Variants in ADCY5 observed in about 807,000 individuals in gnomAD.
ADCY5 encodes adenylate cyclase type 5.
Under a neutral mutation model 119.7 loss-of-function variants are expected in ADCY5, and 30 were observed. The observed-to-expected ratio is 0.25, with a 90% CI of 0.19 to 0.34. The LOEUF (loss-of-function observed/expected upper bound fraction) is 0.34, where lower values mean the gene tolerates loss of function less well. ADCY5 is among the 10% of genes least tolerant of loss of function. The probability of loss-of-function intolerance (pLI) is 1.00; values close to 1 mark genes in which losing one functional copy is unlikely to be tolerated. For missense variants in ADCY5, 1,324 were observed against 1,775.2 expected (o/e 0.75, Z 4.57); for synonymous variants, 753 against 762.2 (o/e 0.99, Z 0.20).
chr3:123,397,930 G>C (rs777202506), intron 1 of ADCY5, among the ~76,000 whole-genome samples: 1 of 152,184 alleles, frequency 6.6e-6, no homozygotes, highest in Non-Finnish European at 1.5e-5. Flanking sequence ...AGGCTGCTGG[G>C]AGAGTAAAGA....
chr3:123,422,545 C>T (rs1057302950), intron 1 of ADCY5, among the ~76,000 whole-genome samples: 5 of 152,160 alleles, frequency 3.3e-5, no homozygotes, highest in Non-Finnish European at 5.9e-5. Context: ...AATGCAGAGC[C>T]GCCTGACTGG....
In ADCY5 at chr3:123,448,249, G is replaced by C. The variant is rs1945865486; in HGVS notation, c.297C>G (p.Ser99=). 1.3e-6 allele frequency: 2 copies of C among 1,489,376 alleles called. No homozygotes were observed. Among genetic ancestry groups the C allele is most frequent in the South Asian group, 1.3e-5 (1 of 78,280 alleles). The allele number at this position is 1,489,376 out of a possible 1,614,324, so 92.3% of individuals were successfully genotyped here. A position where few individuals can be genotyped will look rare whatever the true frequency, so the allele number is the denominator to read the frequency against. Residue 99 remains serine (S), a synonymous_variant, in exon 1 of 21, where the codon TCC becomes TCG. Transcript: ENST00000462833. The stretch of plus-strand genomic sequence containing the variant: ...CGCCGCGCTCCTGCCAGGCGGACTT[G>C]GAGCGGAAGCTGAAGCCGAAGCCCC... ...LAGGFGFSFR[S]KSAWQERGGD...
chr3:123,381,548 A>G (rs867994337), intron 1 of ADCY5, among the ~76,000 whole-genome samples: 10 of 152,246 alleles, frequency 6.6e-5, no homozygotes, highest in African/African-American at 2.2e-4. Flanking sequence ...GGCCAGCTTC[A>G]TGCATGTGTG....
chr3:123,414,021 T>C (rs1232194172), intron 1 of ADCY5, among the ~76,000 whole-genome samples: 2 of 151,984 alleles, frequency 1.3e-5, no homozygotes, highest in African/African-American at 2.4e-5. Flanking sequence ...CTGATTCAGA[T>C]AAAACGCAGA....
intron 1 of ADCY5, among the ~76,000 whole-genome samples, chr3:123,439,192 C>T (rs1049866363): frequency 3.3e-5 from 5 of 149,522 alleles, no homozygotes; most frequent in Middle Eastern, 3.4e-3. Flanking sequence ...CTCAGCCTCC[C>T]GAGTAGCTGG....
intron 1 of ADCY5, among the ~76,000 whole-genome samples, chr3:123,409,728 C>A (rs961038378): frequency 6.6e-6 from 1 of 152,176 alleles, no homozygotes; most frequent in Non-Finnish European, 1.5e-5. Flanking sequence ...GATGCCCACT[C>A]ATGTTGAGAT....
chr3:123,442,882 G>T (rs1206052519), intron 1 of ADCY5, among the ~76,000 whole-genome samples: 1 of 152,194 alleles, frequency 6.6e-6, no homozygotes, highest in Non-Finnish European at 1.5e-5. Flanking sequence ...CAGCCTTGAG[G>T]CAAGAGAAGC....
intron 4 of ADCY5, 124 bp from the exon 5 acceptor site, chr3:123,331,140 A>G (rs1576584253): frequency 9.4e-7 from 1 of 1,061,726 alleles, no homozygotes; most frequent in East Asian, 2.6e-5. Context: ...CAGTGAGCGC[A>G]GGCCCACGCC....
At chr3:123,285,473 T>C (rs1389499341) in intron 20 of ADCY5, among the ~76,000 whole-genome samples, 2 of 152,184 alleles carry the variant, frequency 1.3e-5, no homozygotes, top group African/African-American at 4.8e-5. Flanking sequence ...GCATAGCCAG[T>C]GGCTCCTGGG....
At chr3:123,367,948 G>C (rs1943505469) in intron 1 of ADCY5, 2 of 1,535,756 alleles carry the variant, frequency 1.3e-6, no homozygotes, top group Non-Finnish European at 1.7e-6. Flanking sequence ...GTCTTCCGTG[G>C]GACAGGCCTG....
At chr3:123,387,805 T>C (rs10451896) in intron 1 of ADCY5, among the ~76,000 whole-genome samples, 72,767 of 152,084 alleles carry the variant, frequency 0.48, 18,237 homozygotes, top group East Asian at 0.7. Flanking sequence ...TATCTTGGGT[T>C]TTGAGACACA....
chr3:123,354,326 G>A (rs1242947759), intron 1 of ADCY5, among the ~76,000 whole-genome samples: 1 of 152,194 alleles, frequency 6.6e-6, no homozygotes, highest in Non-Finnish European at 1.5e-5. Flanking sequence ...TGGGAGACGG[G>A]TCCAGATGCT....
chr3:123,371,666 C>T (rs571544356), intron 1 of ADCY5, among the ~76,000 whole-genome samples: 1 of 152,234 alleles, frequency 6.6e-6, no homozygotes, highest in Non-Finnish European at 1.5e-5. Flanking sequence ...GGGGATGAGG[C>T]TGCCACTTCT....
intron 12 of ADCY5, among the ~76,000 whole-genome samples, chr3:123,312,521 G>A (rs997491858): frequency 2.0e-5 from 3 of 152,078 alleles, no homozygotes; most frequent in African/African-American, 7.3e-5. Flanking sequence ...ACCCCAAACA[G>A]AAACTCTGAA....
At chr3:123,363,091 C>T (rs55762403) in intron 1 of ADCY5, among the ~76,000 whole-genome samples, 176 of 144,340 alleles carry the variant, frequency 1.2e-3, no homozygotes, top group African/African-American at 4.2e-3. Flanking sequence ...TGCAGTGAGC[C>T]GAGATCACAT....
chr3:123,393,281 G>A (rs1944446820), intron 1 of ADCY5, among the ~76,000 whole-genome samples: 1 of 152,284 alleles, frequency 6.6e-6, no homozygotes, highest in Non-Finnish European at 1.5e-5. Context: ...GCCGGGTGCA[G>A]TGGCTCCTGC....
intron 1 of ADCY5, among the ~76,000 whole-genome samples, chr3:123,386,311 G>A (rs758778418): frequency 7.9e-5 from 12 of 152,112 alleles, no homozygotes; most frequent in African/African-American, 2.7e-4. Context: ...CAGGAGCCCC[G>A]AGGCCCAGTG....
At chr3:123,425,946 C>T (rs1945398281) in intron 1 of ADCY5, among the ~76,000 whole-genome samples, 1 of 152,256 alleles carries the variant, frequency 6.6e-6, no homozygotes, top group Non-Finnish European at 1.5e-5. Flanking sequence ...GCCATCCAAA[C>T]ATACAGGCAG....
At chr3:123,345,582 G>A (rs1942492062) in intron 3 of ADCY5, among the ~76,000 whole-genome samples, 1 of 152,094 alleles carries the variant, frequency 6.6e-6, no homozygotes, top group African/African-American at 2.4e-5. Context: ...CCACTTGGTG[G>A]GCTACCCCTT....
Sources: gnomAD v4.1 joint callset for allele counts (sites outside exome capture counted in the v4.1 genomes callset) on GRCh38, gnomAD v4.1.1 for gene constraint, MANE v1.5 for transcripts, NCBI Gene and HGNC (gene_info 2026-07-23, HGNC 2026-07-21) for gene names.